The following RHOT1 variants were observed in gnomAD, a reference collection of about 807,000 sequenced individuals.
RHOT1 encodes ras homolog family member T1.
A neutral mutation model predicts 95.3 loss-of-function variants in RHOT1; 27 were observed. That is an observed-to-expected ratio of 0.28 (90% CI 0.21 to 0.39). RHOT1 has a LOEUF of 0.39. Among genes scored for constraint, RHOT1 ranks in the 10% least tolerant of loss-of-function variants. The probability of loss-of-function intolerance (pLI) is 1.00; values close to 1 mark genes in which losing one functional copy is unlikely to be tolerated. For synonymous variants in RHOT1, 227 were observed against 263.5 expected (o/e 0.86, Z 1.34); for missense variants, 578 against 786.7 (o/e 0.73, Z 3.17).
chr17:32,175,261 C>G, intron 3 of RHOT1, 58 bp from the exon 4 acceptor site: 3 of 1,426,822 alleles, frequency 2.1e-6, no homozygotes, highest in South Asian at 2.3e-5. Flanking sequence ...TTTAGCTTGG[C>G]CATTAGTTTT....
At chr17:32,153,897 T>C (rs2142391180) in intron 1 of RHOT1, among the ~76,000 whole-genome samples, 1 of 152,246 alleles carries the variant, frequency 6.6e-6, no homozygotes, top group South Asian at 2.1e-4. Context: ...ATAAATTACA[T>C]AAAGTACAGG....
chr17:32,161,920 T>C (rs1567663156), intron 1 of RHOT1, among the ~76,000 whole-genome samples: 2 of 152,176 alleles, frequency 1.3e-5, no homozygotes, highest in Non-Finnish European at 2.9e-5. Context: ...AAGAGGTACA[T>C]GGGGAAAGGT....
chr17:32,206,025 G>A lies in RHOT1; in HGVS notation c.1417-885G>A, dbSNP rs183342828. ...TGTGGTAGAAAGAAAATAGATTTGAGAATCATATCTGAGTTTAAATTTTGA... is the reference window on the plus strand; with the variant it reads ...TGTGGTAGAAAGAAAATAGATTTGAAAATCATATCTGAGTTTAAATTTTGA... On this transcript the variant is annotated intron_variant, in intron 16 of 19. Transcript: ENST00000545287. Among the ~76,000 whole-genome samples the A allele has an allele frequency of 2.6e-3, 398 of 152,122 alleles. 3 individuals carry two copies. Among genetic ancestry groups the A allele is most frequent in the Middle Eastern group, 0.024 (7 of 294 alleles).
At chr17:32,206,446 T>C (rs1407547199) in intron 16 of RHOT1, among the ~76,000 whole-genome samples, 2 of 115,746 alleles carry the variant, frequency 1.7e-5, no homozygotes, top group Non-Finnish European at 3.7e-5. Flanking sequence ...ACTTTCTTTT[T>C]TTTTTTTTTT....
intron 8 of RHOT1, 70 bp downstream of exon 8, chr17:32,183,342 ACT>A (rs1039885363): frequency 3.7e-6 from 3 of 817,910 alleles, no homozygotes; most frequent in Non-Finnish European, 5.3e-6. Flanking sequence ...ATTTTTAGTA[ACT>A]CTTAAGTATT....
In RHOT1 at chr17:32,157,334, A is replaced by C. The variant is rs989731438; in HGVS notation, c.38-13709A>C. 2.0e-5 allele frequency among the ~76,000 whole-genome samples: 3 copies of C among 152,074 alleles called. No homozygotes were observed. In the East Asian group the frequency reaches 5.8e-4, roughly 29 times the overall value. On this transcript the variant is annotated intron_variant, in intron 1 of 19. Transcript: ENST00000545287. ...TTATTCAACAGTAAACAAGAAAGAC[A>C]TGTTTTCTGCCCTTGAGGAGTTTCC... is the stretch of plus-strand genomic sequence containing the variant.
intron 1 of RHOT1, among the ~76,000 whole-genome samples, chr17:32,149,629 A>ATTTGTGTGTGTGTG (rs1204046813): frequency 1.1e-5 from 1 of 87,476 alleles, no homozygotes; most frequent in Non-Finnish European, 2.3e-5. Flanking sequence ...ATATATATAT[A>ATTTGTGTGTGTGTG]TATATATGTG....
intron 11 of RHOT1, 30 bp from the exon 12 acceptor site, chr17:32,198,911 TTAATGA>T (rs758462354): frequency 7.5e-7 from 1 of 1,336,944 alleles, no homozygotes; most frequent in African/African-American, 1.5e-5. Flanking sequence ...TAACATTTGA[TTAATGA>T]TTTATTTTAC....
intron 1 of RHOT1, chr17:32,143,000 T>C: frequency 1.4e-6 from 1 of 695,634 alleles, no homozygotes; most frequent in Non-Finnish European, 2.6e-6. Flanking sequence ...CCAAGCCATG[T>C]CCCTATTAGC....
At chr17:32,178,296 A>G (rs1217621239) in intron 6 of RHOT1, among the ~76,000 whole-genome samples, 2 of 147,442 alleles carry the variant, frequency 1.4e-5, no homozygotes, top group African/African-American at 5.0e-5. Flanking sequence ...GGCTCCCATG[A>G]TTCTCCTGCC....
At chr17:32,146,029 A>G (rs1466811395) in intron 1 of RHOT1, among the ~76,000 whole-genome samples, 5 of 152,132 alleles carry the variant, frequency 3.3e-5, no homozygotes, top group Non-Finnish European at 7.3e-5. Flanking sequence ...AAATAGATGT[A>G]TATCATCCAG....
At chr17:32,145,320 G>A (rs28569187) in intron 1 of RHOT1, among the ~76,000 whole-genome samples, 6,908 of 152,060 alleles carry the variant, frequency 0.045, 531 homozygotes, top group African/African-American at 0.16. Flanking sequence ...TATATATATT[G>A]ATAATAGTAA....
intron 1 of RHOT1, chr17:32,150,688 A>G (rs1184836696): frequency 6.2e-7 from 1 of 1,600,226 alleles, no homozygotes; most frequent in African/African-American, 1.3e-5. Flanking sequence ...CAGTTCTATG[A>G]TTTGGGATAT....
Position 32,142,652 on chromosome 17 carries a change from C to G in RHOT1, c.-41C>G. On this transcript the variant is annotated 5_prime_UTR_variant, in exon 1 of 20. Transcript: ENST00000545287. The stretch of plus-strand genomic sequence containing the variant: ...GTGCTCCTGGTGAGAGGAGTCCACT[C>G]CGTGCGTGCGGGCGGAGGCCGGCCC... 6.6e-7 allele frequency: 1 copy of G among 1,513,594 alleles called. No homozygotes were observed. The highest frequency in any genetic ancestry group is 8.8e-7 in the Non-Finnish European group (1 of 1,132,656). The allele number at this position is 1,513,594 out of a possible 1,614,324, so 93.8% of individuals were successfully genotyped here.
At chr17:32,165,027 AAAAC>A (rs2033921335) in intron 1 of RHOT1, among the ~76,000 whole-genome samples, 2 of 151,526 alleles carry the variant, frequency 1.3e-5, no homozygotes, top group Admixed American at 6.6e-5. Context: ...AAAAAACAAA[AAAAC>A]AAAACAAAAC....
At chr17:32,202,979 G>A in intron 15 of RHOT1, 79 bp downstream of exon 15, 1 of 1,399,744 alleles carries the variant, frequency 7.1e-7, no homozygotes, top group Non-Finnish European at 9.9e-7. Context: ...CATAGCCATT[G>A]ACCTTTTTAG....
chr17:32,207,242 G>T (rs984996633), intron 17 of RHOT1: 1 of 441,572 alleles, frequency 2.3e-6, no homozygotes, highest in Admixed American at 4.0e-5. Context: ...ACATGTGATT[G>T]TGAGGTGCAT....
intron 6 of RHOT1, among the ~76,000 whole-genome samples, chr17:32,178,008 A>G (rs545106131): frequency 4.6e-5 from 7 of 151,244 alleles, no homozygotes; most frequent in African/African-American, 1.7e-4. Flanking sequence ...TATTTTTAGT[A>G]GAGACGGGGT....
chr17:32,187,871 A>G (rs924442548), intron 8 of RHOT1, among the ~76,000 whole-genome samples: 5 of 152,230 alleles, frequency 3.3e-5, no homozygotes, highest in Non-Finnish European at 5.9e-5. Flanking sequence ...GCCTGGCCAT[A>G]TATTTTTAAA....
Sources: gnomAD v4.1 joint callset for allele counts (sites outside exome capture counted in the v4.1 genomes callset) on GRCh38, gnomAD v4.1.1 for gene constraint, MANE v1.5 for transcripts, NCBI Gene and HGNC (gene_info 2026-07-23, HGNC 2026-07-21) for gene names.